GPR89B: variants seen among roughly 807,000 people sequenced by gnomAD.
GPR89B encodes the protein golgi pH regulator B.
A neutral mutation model predicts 52.4 loss-of-function variants in GPR89B; 25 were observed. The ratio of observed to expected loss-of-function variants is 0.48; its 90% CI spans 0.35 to 0.67. GPR89B has a LOEUF of 0.67. GPR89B is among the 30% of genes least tolerant of loss of function. GPR89B has a pLI of 0.01. For synonymous variants in GPR89B, 52 were observed against 151.2 expected, an observed-to-expected ratio of 0.34 and a Z score of 4.81; for missense variants, 146 against 450.2, an observed-to-expected ratio of 0.32 and a Z score of 6.11.
chr1:147,980,907 C>G (rs1658199678), intron 10 of GPR89B, among the ~76,000 whole-genome samples: 1 of 148,958 alleles, frequency 6.7e-6, no homozygotes, highest in Admixed American at 6.7e-5. Flanking sequence ...TCCCTCAGCC[C>G]TTAGCAACCA....
chr1:147,969,101 A>T (rs1657241550), intron 9 of GPR89B, 138 bp downstream of exon 9: 1 of 635,540 alleles, frequency 1.6e-6, no homozygotes, highest in African/African-American at 1.9e-5. Context: ...AGCATTAGGG[A>T]TAAGGGATCT....
intron 7 of GPR89B, among the ~76,000 whole-genome samples, chr1:147,963,531 A>C (rs1169180332): frequency 6.6e-6 from 1 of 152,120 alleles, no homozygotes; most frequent in Non-Finnish European, 1.5e-5. Context: ...GAAAATAAGC[A>C]AAAATGATGA....
the GPR89B span, among the ~76,000 whole-genome samples, chr1:147,998,609 G>T: frequency 6.6e-6 from 1 of 152,050 alleles, no homozygotes; most frequent in African/African-American, 2.4e-5. Context: ...GCCGGGCTTG[G>T]TGGCTCATGC....
At chr1:147,941,073 A>G (rs1203516374) in intron 3 of GPR89B, among the ~76,000 whole-genome samples, 5 of 149,986 alleles carry the variant, frequency 3.3e-5, no homozygotes, top group Non-Finnish European at 5.9e-5. Flanking sequence ...ATGATGTATA[A>G]CTGTCCATTG....
the GPR89B span, chr1:148,009,389 G>T: frequency 6.2e-7 from 1 of 1,611,844 alleles, no homozygotes; most frequent in Non-Finnish European, 8.5e-7. Flanking sequence ...CCTCCTTCAC[G>T]AGATAGCAGA....
chr1:147,950,479 G>A (rs373422834), intron 5 of GPR89B, among the ~76,000 whole-genome samples: 4 of 146,670 alleles, frequency 2.7e-5, no homozygotes, highest in Admixed American at 6.8e-5. Flanking sequence ...GGCTCCTCAC[G>A]TCCCAGACGA....
At position 147,993,408 on chromosome 1, in the gene GPR89B, A is replaced by G. The variant is rs1372510690; in HGVS notation, c.*491A>G. 3 of 237,916 alleles carry G rather than the reference A, an allele frequency of 1.3e-5. No individual in the cohort carries two copies. The highest frequency in any genetic ancestry group is 2.2e-4 in the East Asian group (2 of 9,208). 14.7% of individuals were successfully genotyped at this position (237,916 alleles called of 1,614,324 possible). The stretch of plus-strand genomic sequence containing the variant: ...TATTATGCTTGTGTGATCTAACATG[A>G]GTTAGCATCCCACACCTCCTCTTCT... On this transcript the variant is annotated 3_prime_UTR_variant, in exon 14 of 14. Coordinates refer to ENST00000314163, the MANE Select transcript of GPR89B (RefSeq NM_016334.5).
At chr1:147,949,657 T>C (rs1476778505) in intron 5 of GPR89B, among the ~76,000 whole-genome samples, 1 of 134,310 alleles carries the variant, frequency 7.4e-6, no homozygotes, top group African/African-American at 3.0e-5. Context: ...ATGGGGCGGC[T>C]GGCCGGGCGG....
At chr1:147,969,823 T>G in intron 9 of GPR89B, 44 bp from the exon 10 acceptor site, 1 of 1,479,396 alleles carries the variant, frequency 6.8e-7, no homozygotes, top group African/African-American at 1.4e-5. Context: ...GAATATAAAT[T>G]TATATTTTGC....
chr1:148,005,426 C>G, the GPR89B span: 3 of 1,591,920 alleles, frequency 1.9e-6, no homozygotes, highest in Non-Finnish European at 1.7e-6. Context: ...CCATTCACTT[C>G]AATCAAGTGA....
At chr1:147,987,730 C>G (rs1658769844) in intron 11 of GPR89B, among the ~76,000 whole-genome samples, 1 of 151,952 alleles carries the variant, frequency 6.6e-6, no homozygotes, top group Non-Finnish European at 1.5e-5. Flanking sequence ...AATAGCAGCT[C>G]CCTTTCAGAT....
At chr1:148,009,259 T>G in the GPR89B span, 2 of 1,479,346 alleles carry the variant, frequency 1.4e-6, no homozygotes, top group Non-Finnish European at 1.8e-6. Flanking sequence ...CGAAGAAAAG[T>G]CATTAACCAG....
intron 12 of GPR89B, among the ~76,000 whole-genome samples, chr1:147,989,497 T>G (rs1658902451): frequency 6.6e-6 from 1 of 151,944 alleles, no homozygotes; most frequent in Admixed American, 6.6e-5. Flanking sequence ...TTTGTTACAT[T>G]TGGATACATG....
rs2149093546 is a variant in GPR89B, at chr1:147,987,090, A to G, written c.1005+796A>G. On this transcript the variant is annotated intron_variant, in intron 11 of 13. Coordinates refer to ENST00000314163, the MANE Select transcript of GPR89B (RefSeq NM_016334.5). ...AAAGGACTTGGATGAAATGAAAATG[A>G]ACAAGAGCAAATTGAGCCCCAATCC... 2.0e-5 allele frequency among the ~76,000 whole-genome samples: 3 copies of G among 152,344 alleles called. No individual in the cohort carries two copies. The Middle Eastern group carries it at 0.01, about 518-fold the overall frequency.
intron 1 of GPR89B, among the ~76,000 whole-genome samples, chr1:147,936,127 C>T (rs1314609894): frequency 2.0e-5 from 3 of 152,086 alleles, no homozygotes; most frequent in Non-Finnish European, 4.4e-5. Context: ...AAGCGATTCT[C>T]ATGCCTCAGC....
intron 10 of GPR89B, among the ~76,000 whole-genome samples, chr1:147,980,791 C>T (rs1169496388): frequency 1.5e-5 from 2 of 137,890 alleles, no homozygotes; most frequent in African/African-American, 5.6e-5. Flanking sequence ...TGCACTCCAG[C>T]CTGGGCGACA....
In GPR89B at chr1:147,950,113, C is replaced by T. The variant is rs587755456; in HGVS notation, c.416-3232C>T. Among the ~76,000 whole-genome samples the T allele has an allele frequency of 4.0e-3, 596 of 150,660 alleles. 10 individuals are homozygous for T. Among genetic ancestry groups the T allele is most frequent in the East Asian group, 0.027 (134 of 4,904 alleles). ...CCTCCCGGACGGGGTGGCTGCCGGG[C>T]AGAGACGCTCCTCACTTCCCAGACG... On this transcript the variant is annotated intron_variant, in intron 5 of 13. Coordinates refer to ENST00000314163, the MANE Select transcript of GPR89B (RefSeq NM_016334.5).
chr1:147,963,495 G>A (rs1339801835), intron 7 of GPR89B, among the ~76,000 whole-genome samples: 1 of 150,888 alleles, frequency 6.6e-6, no homozygotes, highest in Non-Finnish European at 1.5e-5. Context: ...AACATTCAAA[G>A]CTTACATTTA....
the GPR89B span, chr1:148,014,507 G>A: frequency 6.6e-6 from 1 of 151,314 alleles, no homozygotes; most frequent in South Asian, 2.1e-4. Context: ...GGTCAGCGGA[G>A]CCGAAGTGTG....
Sources: gnomAD v4.1 joint callset for allele counts (sites outside exome capture counted in the v4.1 genomes callset) on GRCh38, gnomAD v4.1.1 for gene constraint, MANE v1.5 for transcripts, NCBI Gene and HGNC (gene_info 2026-07-23, HGNC 2026-07-21) for gene names.